RANBP2: variants seen among roughly 807,000 people sequenced by gnomAD.
RANBP2 encodes E3 SUMO-protein ligase RanBP2.
A neutral mutation model predicts 303.6 loss-of-function variants in RANBP2; 57 were observed. The observed-to-expected ratio is 0.19, with a 90% CI of 0.15 to 0.23. The LOEUF is 0.23. Ranked by LOEUF, RANBP2 falls within the 10% of genes least tolerant of loss-of-function variation. The pLI is 1.00. For synonymous variants in RANBP2, 1,167 were observed against 1,301.5 expected (o/e 0.90, Z 2.23); for missense variants, 3,138 against 3,780.8 (o/e 0.83, Z 4.46).
the RANBP2 span, among the ~76,000 whole-genome samples, chr2:109,611,001 G>A: frequency 2.0e-5 from 3 of 152,092 alleles, no homozygotes; most frequent in South Asian, 2.1e-4. Context: ...GCGTGCTAAC[G>A]GAGAACCCAG....
At chr2:108,911,318 C>G in the RANBP2 span, among the ~76,000 whole-genome samples, 3 of 152,186 alleles carry the variant, frequency 2.0e-5, no homozygotes, top group African/African-American at 7.2e-5. Context: ...CTGGGGTCAC[C>G]TGATTGTTCC....
the RANBP2 span, among the ~76,000 whole-genome samples, chr2:109,679,451 T>C: frequency 6.6e-6 from 1 of 152,208 alleles, no homozygotes; most frequent in Non-Finnish European, 1.5e-5. Flanking sequence ...ATATATGGCA[T>C]TGTCTATGAA....
chr2:108,830,067 T>C, the RANBP2 span, among the ~76,000 whole-genome samples: 1 of 152,164 alleles, frequency 6.6e-6, no homozygotes, highest in South Asian at 2.1e-4. Context: ...GGTATATACA[T>C]ACACAAGACT....
chr2:109,201,361 C>T, the RANBP2 span, among the ~76,000 whole-genome samples: 1 of 152,246 alleles, frequency 6.6e-6, no homozygotes, highest in African/African-American at 2.4e-5. Flanking sequence ...ATGGCCTGGG[C>T]TTTGGGCCTT....
chr2:109,170,565 C>G, the RANBP2 span, among the ~76,000 whole-genome samples: 5 of 152,040 alleles, frequency 3.3e-5, no homozygotes, highest in Non-Finnish European at 5.9e-5. Flanking sequence ...AGGATGGTCT[C>G]GATCTCCTGA....
At chr2:108,998,340 T>C in the RANBP2 span, among the ~76,000 whole-genome samples, 1 of 152,186 alleles carries the variant, frequency 6.6e-6, no homozygotes, top group Non-Finnish European at 1.5e-5. Flanking sequence ...CCCAGGCTCA[T>C]TGTTTCATCA....
the RANBP2 span, among the ~76,000 whole-genome samples, chr2:109,468,574 C>T: frequency 6.6e-6 from 1 of 152,060 alleles, no homozygotes; most frequent in Admixed American, 6.6e-5. Context: ...GGAAGTTAGG[C>T]CCGGTGTGGT....
At chr2:109,707,333 G>A in the RANBP2 span, among the ~76,000 whole-genome samples, 4 of 152,102 alleles carry the variant, frequency 2.6e-5, no homozygotes, top group Non-Finnish European at 5.9e-5. Flanking sequence ...TATCCTCTGT[G>A]ACTGGCATCT....
chr2:109,697,417 A>G, the RANBP2 span, among the ~76,000 whole-genome samples: 11,763 of 151,854 alleles, frequency 0.077, 959 homozygotes, highest in African/African-American at 0.21. Context: ...CCTGGGAGGC[A>G]GAGGTTGCGG....
chr2:109,606,048 AG>A, the RANBP2 span, among the ~76,000 whole-genome samples: 1 of 152,230 alleles, frequency 6.6e-6, no homozygotes, highest in Admixed American at 6.5e-5. Flanking sequence ...ATTTTGTGCA[AG>A]GATGTGTGAA....
chr2:108,853,982 TAATATATAATAAATTTATATTATATATA>T, the RANBP2 span, among the ~76,000 whole-genome samples: 1 of 9,438 alleles, frequency 1.1e-4, no homozygotes, highest in Non-Finnish European at 3.7e-4. Flanking sequence ...ATATAATATA[TAATATATAATAAATTTATATTATATATA>T]ATATATAATA....
chr2:109,512,129 AG>A, the RANBP2 span, among the ~76,000 whole-genome samples: 3 of 152,156 alleles, frequency 2.0e-5, no homozygotes, highest in African/African-American at 7.2e-5. Flanking sequence ...AAACACTTTT[AG>A]GGGGCTTGTC....
chr2:109,741,269 C>T, the RANBP2 span, among the ~76,000 whole-genome samples: 1 of 150,574 alleles, frequency 6.6e-6, no homozygotes, highest in Non-Finnish European at 1.5e-5. Flanking sequence ...ATCAGTTAAT[C>T]TAACCAATTA....
the RANBP2 span, among the ~76,000 whole-genome samples, chr2:109,253,540 T>A: frequency 6.6e-6 from 1 of 152,192 alleles, no homozygotes; most frequent in African/African-American, 2.4e-5. Flanking sequence ...ACCACTTGTG[T>A]CCATGATTTT....
the RANBP2 span, among the ~76,000 whole-genome samples, chr2:109,014,980 C>T: frequency 1.3e-5 from 2 of 151,934 alleles, no homozygotes; most frequent in Non-Finnish European, 2.9e-5. Context: ...ATTAGCCAGG[C>T]GTGGTGGCAC....
chr2:109,068,019 C>A, the RANBP2 span, among the ~76,000 whole-genome samples: 2 of 152,240 alleles, frequency 1.3e-5, no homozygotes, highest in Non-Finnish European at 2.9e-5. Context: ...TCCCCACACA[C>A]CTGCCTGCTC....
At chr2:109,708,133 G>A in the RANBP2 span, among the ~76,000 whole-genome samples, 8 of 152,262 alleles carry the variant, frequency 5.3e-5, no homozygotes, top group Non-Finnish European at 2.9e-5. Context: ...TGAGACGGGA[G>A]CATCACTTGA....
the RANBP2 span, among the ~76,000 whole-genome samples, chr2:109,455,065 C>T: frequency 6.6e-6 from 1 of 152,150 alleles, no homozygotes; most frequent in Non-Finnish European, 1.5e-5. Flanking sequence ...GCTCAGAGAC[C>T]TTCAGAGACT....
chr2:109,692,792 T>C, the RANBP2 span, among the ~76,000 whole-genome samples: 1 of 151,894 alleles, frequency 6.6e-6, no homozygotes, highest in Non-Finnish European at 1.5e-5. Flanking sequence ...CGTCACTCAT[T>C]CAACTTGTAT....
Sources: allele counts gnomAD v4.1 joint callset (sites outside exome capture counted in the v4.1 genomes callset), GRCh38; gene constraint gnomAD v4.1.1; transcripts MANE v1.5; gene names NCBI Gene and HGNC (gene_info 2026-07-23, HGNC 2026-07-21).